Variants in ZNF589 observed in about 807,000 individuals in gnomAD.
ZNF589 encodes the protein zinc finger protein 589.
Under a neutral mutation model 13.6 loss-of-function variants are expected in ZNF589, and 17 were observed. The ratio of observed to expected loss-of-function variants is 1.25; its 90% confidence interval spans 0.86 to 1.88. The LOEUF is 1.88. Among genes scored for constraint, ZNF589 ranks in the 40% most tolerant of loss-of-function variants. The probability of loss-of-function intolerance (pLI) is 0.00; values close to 1 mark genes in which losing one functional copy is unlikely to be tolerated. For synonymous variants in ZNF589, 148 were observed against 161.6 expected (o/e 0.92, Z 0.64); for missense variants, 407 against 434.0 (o/e 0.94, Z 0.55).
Position 48,269,148 on chromosome 3 carries a change from C to A in ZNF589, c.*362C>A. The A allele has an allele frequency of 2.4e-6, 2 of 828,708 alleles. No individual in the cohort carries two copies. Among genetic ancestry groups the A allele is most frequent in the Non-Finnish European group, 1.9e-6 (1 of 526,868 alleles). 51.3% of individuals were successfully genotyped at this position (828,708 alleles called of 1,614,324 possible). On this transcript the variant is annotated 3_prime_UTR_variant, in exon 4 of 4. Transcript: ENST00000354698. Reference sequence around the variant, plus strand: ...GGGCGAAACTTTAGCCTCAAGTCCGCTCTTAGTGTACATCAGAGGATACAC... The same window carrying A: ...GGGCGAAACTTTAGCCTCAAGTCCGATCTTAGTGTACATCAGAGGATACAC...
In ZNF589 at chr3:48,241,225, G is replaced by T. The variant is rs773316997; in HGVS notation, c.43+11G>T. 1.9e-6 allele frequency: 3 copies of T among 1,610,710 alleles called. No homozygotes were observed. The highest frequency in any genetic ancestry group is 2.5e-6 in the Non-Finnish European group (3 of 1,179,372). ...GCTGGACTGCGGAAGGTGAGTCGGGGCCGCGAGATCGCCTCCCCCATTCGG... is the reference window on the plus strand; with the variant it reads ...GCTGGACTGCGGAAGGTGAGTCGGGTCCGCGAGATCGCCTCCCCCATTCGG... On this transcript the variant is annotated intron_variant, in intron 1 of 3. Transcript: ENST00000354698.
rs1357241826 is a variant in ZNF589 at position 48,268,790 on chromosome 3, C to T, written c.*4C>T. ...GCCTTATGTGTGCAGAGATTGAGGC[C>T]GAGGCTTTGTAAGGAGATCATGTCT... On this transcript the variant is annotated 3_prime_UTR_variant, in exon 4 of 4. Transcript: ENST00000354698. 9.3e-6 allele frequency: 15 copies of T among 1,606,284 alleles called. No homozygotes were observed. Among genetic ancestry groups the T allele is most frequent in the Middle Eastern group, 3.3e-4 (2 of 6,012 alleles).
intron 2 of ZNF589, chr3:48,257,134 T>C: frequency 4.8e-6 from 2 of 412,600 alleles, no homozygotes; most frequent in Non-Finnish European, 9.6e-6. Context: ...AATGTCTTTA[T>C]CTAGATTTGC....
intron 2 of ZNF589, among the ~76,000 whole-genome samples, chr3:48,249,169 C>G (rs1268943297): frequency 6.7e-6 from 1 of 150,230 alleles, no homozygotes; most frequent in East Asian, 1.9e-4. Flanking sequence ...ATGGCATGAT[C>G]TCGGCTCACT....
chr3:48,252,323 C>G (rs2033847135), intron 2 of ZNF589, among the ~76,000 whole-genome samples: 1 of 151,884 alleles, frequency 6.6e-6, no homozygotes, highest in Admixed American at 6.6e-5. Flanking sequence ...TCCCTAGTAG[C>G]TGGAACTACA....
In ZNF589 at chr3:48,268,623, G is replaced by A. The variant is rs201451932; in HGVS notation, c.932G>A (p.Arg311Gln). Reference sequence around the variant, plus strand: ...CCTTATGTGTGCAGCCATTGTGGGCGAGGCTTTAGCTGCAAGCCATACCTC... The same window carrying A: ...CCTTATGTGTGCAGCCATTGTGGGCAAGGCTTTAGCTGCAAGCCATACCTC... ...EKPYVCSHCGRGFSCKPYLIR... is the reference protein window; with the variant it reads ...EKPYVCSHCGQGFSCKPYLIR... Residue 311 changes from arginine (R) to glutamine (Q), a missense_variant, in exon 4 of 4, where the codon CGA becomes CAA. Physicochemically the swap from Arg to Gln is conservative, Grantham distance 43 (BLOSUM62 1). Coordinates refer to ENST00000354698, the MANE Select transcript of ZNF589 (RefSeq NM_016089.3). 1.6e-4 allele frequency: 256 copies of A among 1,613,902 alleles called. No homozygotes were observed. Among genetic ancestry groups the A allele is most frequent in the Admixed American group, 4.7e-4 (28 of 60,000 alleles).
chr3:48,268,237 CAG>C lies in ZNF589; in HGVS notation c.548_549del (p.Arg183AsnfsTer15). The C allele has an allele frequency of 3.1e-6, 5 of 1,605,432 alleles. No individual in the cohort carries two copies. Among genetic ancestry groups the C allele is most frequent in the Non-Finnish European group, 3.4e-6 (4 of 1,175,400 alleles). On this transcript the variant is annotated frameshift_variant, in exon 4 of 4. Coordinates refer to ENST00000354698, the MANE Select transcript of ZNF589 (RefSeq NM_016089.3). LOFTEE classifies it low-confidence loss of function (END_TRUNC). ...RPPISSWGGN[R>X]ILEIQLSPAQ... ...CACCAATAAGCTCTTGGGGAGGCAA[CAG>C]AATATTAGAGATACAGCTCAGTCCA...
At chr3:48,241,394 G>A (rs1186188028) in intron 1 of ZNF589, among the ~76,000 whole-genome samples, 180 bp downstream of exon 1, 1 of 151,156 alleles carries the variant, frequency 6.6e-6, no homozygotes, top group Non-Finnish European at 1.5e-5. Flanking sequence ...GTCCCGTACA[G>A]TCTCCACGGT....
intron 3 of ZNF589, among the ~76,000 whole-genome samples, chr3:48,261,184 A>G (rs770078278): frequency 1.3e-5 from 2 of 152,212 alleles, no homozygotes; most frequent in African/African-American, 2.4e-5. Flanking sequence ...TGTATAAGAT[A>G]TATATAAATA....
Position 48,270,050 on chromosome 3 carries a change from T to G in ZNF589, c.*1264T>G. 1 of 457,332 alleles carries G rather than the reference T, an allele frequency of 2.2e-6. No individual in the cohort carries two copies. The highest frequency in any genetic ancestry group is 2.3e-5 in the Admixed American group (1 of 42,594). The allele number at this position is 457,332 out of a possible 1,614,324, so 28.3% of individuals were successfully genotyped here. A position where few individuals can be genotyped will look rare whatever the true frequency, so the allele number is the denominator to read the frequency against. On this transcript the variant is annotated 3_prime_UTR_variant, in exon 4 of 4. Transcript: ENST00000354698. Reference sequence around the variant, plus strand: ...GCAGAGGTGTCAAGTGACGGTCCCCTTGGAGGAATGGTCTTTGCATCTGAC... The same window carrying G: ...GCAGAGGTGTCAAGTGACGGTCCCCGTGGAGGAATGGTCTTTGCATCTGAC...
chr3:48,252,715 G>A (rs900524934), intron 2 of ZNF589, among the ~76,000 whole-genome samples: 12 of 143,516 alleles, frequency 8.4e-5, no homozygotes, highest in African/African-American at 2.9e-4. Context: ...TCCGCCCCCT[G>A]GGGTTCACGC....
intron 2 of ZNF589, among the ~76,000 whole-genome samples, chr3:48,254,139 C>A (rs538305762): frequency 6.6e-6 from 1 of 152,178 alleles, no homozygotes; most frequent in East Asian, 1.9e-4. Flanking sequence ...GCCTGTAATC[C>A]CAGCTACTTG....
chr3:48,263,384 A>C (rs1575295477), intron 3 of ZNF589, among the ~76,000 whole-genome samples: 1 of 152,184 alleles, frequency 6.6e-6, no homozygotes, highest in African/African-American at 2.4e-5. Flanking sequence ...TGTTGGGATT[A>C]CCGGCGTGAG....
Position 48,268,849 on chromosome 3 carries a change from G to A in ZNF589, c.*63G>A, listed in dbSNP as rs2034055306. On this transcript the variant is annotated 3_prime_UTR_variant, in exon 4 of 4. Coordinates refer to ENST00000354698, the MANE Select transcript of ZNF589 (RefSeq NM_016089.3). The stretch of plus-strand genomic sequence containing the variant: ...ACCAGAGGATACATTCAGATGAGAA[G>A]CCTTTTGTTTGCAGAGAGTGTGGGC... 4 of 1,541,052 alleles carry A rather than the reference G, an allele frequency of 2.6e-6. No individual in the cohort carries two copies. Among genetic ancestry groups the A allele is most frequent in the South Asian group, 2.5e-5 (2 of 78,550 alleles).
At chr3:48,255,592 C>G (rs575933167) in intron 2 of ZNF589, among the ~76,000 whole-genome samples, 15 of 147,068 alleles carry the variant, frequency 1.0e-4, no homozygotes, top group Non-Finnish European at 1.9e-4. Context: ...CTCCCGGGTT[C>G]AAGTGATTCT....
At chr3:48,250,143 A>G (rs981474151) in intron 2 of ZNF589, among the ~76,000 whole-genome samples, 1 of 151,440 alleles carries the variant, frequency 6.6e-6, no homozygotes, top group Admixed American at 6.6e-5. Context: ...AAAAAAAAAT[A>G]CAATTTATTA....
rs746734581 is a variant in ZNF589 at position 48,260,898 on chromosome 3, A to G, written c.182A>G (p.Lys61Arg). The change falls in exon 3 of 4, where the codon AAA becomes AGA. Residue 61 changes from lysine (K) to arginine (R), a missense_variant. Physicochemically the swap from Lys to Arg is conservative, Grantham distance 26. Coordinates refer to ENST00000354698, the MANE Select transcript of ZNF589 (RefSeq NM_016089.3). The stretch of plus-strand genomic sequence containing the variant: ...AGCCTTGAGCAGAGGAACCTATACA[A>G]AGAAGTGATGCTGGAAAATCTCAGG... The part of the protein sequence containing the change: ...RLSLEQRNLY[K>R]EVMLENLRNL... 5.6e-6 allele frequency: 9 copies of G among 1,614,146 alleles called. No individual in the cohort carries two copies. The highest frequency in any genetic ancestry group is 7.6e-6 in the Non-Finnish European group (9 of 1,180,030).
intron 2 of ZNF589, among the ~76,000 whole-genome samples, chr3:48,254,500 A>G (rs1386441855): frequency 6.6e-6 from 1 of 152,246 alleles, no homozygotes; most frequent in East Asian, 1.9e-4. Flanking sequence ...CGATAGGTAC[A>G]AAATAGCTTG....
chr3:48,267,251 G>T (rs1309821880), intron 3 of ZNF589, among the ~76,000 whole-genome samples: 1 of 152,162 alleles, frequency 6.6e-6, no homozygotes, highest in Non-Finnish European at 1.5e-5. Flanking sequence ...TTACCATTTA[G>T]CTGCACTTTC....
Sources: allele counts gnomAD v4.1 joint callset (sites outside exome capture counted in the v4.1 genomes callset), GRCh38; gene constraint gnomAD v4.1.1; transcripts MANE v1.5; gene names NCBI Gene and HGNC (gene_info 2026-07-23, HGNC 2026-07-21).